GPHN: variants seen among roughly 807,000 people sequenced by gnomAD.
GPHN encodes gephyrin.
In GPHN, 17 loss-of-function variants were observed where a neutral mutation model predicts 95.5. The ratio of observed to expected loss-of-function variants is 0.18; its 90% confidence interval spans 0.12 to 0.27. The LOEUF (loss-of-function observed/expected upper bound fraction) is 0.27. GPHN is among the 10% of genes least tolerant of loss of function. GPHN has a pLI of 1.00. For missense variants in GPHN, 660 were observed against 978.1 expected, an observed-to-expected ratio of 0.67 and a Z score of 4.34; for synonymous variants, 320 against 322.5, an observed-to-expected ratio of 0.99 and a Z score of 0.08.
rs534465770 is a variant in GPHN at position 66,970,784 on chromosome 14, G to A, written c.963+5459G>A. Among the ~76,000 whole-genome samples the A allele has an allele frequency of 9.2e-5, 14 of 152,174 alleles. No individual in the cohort carries two copies. In the South Asian group the frequency reaches 1.9e-3, roughly 20 times the overall value. On this transcript the variant is annotated intron_variant, in intron 9 of 22. Transcript: ENST00000478722. The stretch of plus-strand genomic sequence containing the variant: ...TATAGAAATAGATTCTACACATACC[G>A]TCAACACACAACAAAAAGGTTGGAA...
At chr14:66,776,593 C>G (rs1207022609) in intron 3 of GPHN, 72 bp downstream of exon 3, 1 of 859,624 alleles carries the variant, frequency 1.2e-6, no homozygotes, top group East Asian at 2.4e-5. Flanking sequence ...GTTGCTTTTT[C>G]TTTATGCCAT....
At chr14:67,600,066 G>C in the GPHN span, 2 of 1,591,160 alleles carry the variant, frequency 1.3e-6, no homozygotes, top group Admixed American at 1.8e-5. Flanking sequence ...GCCACACCGT[G>C]CAGGTGACAG....
intron 1 of GPHN, among the ~76,000 whole-genome samples, chr14:66,604,794 G>C (rs1458480576): frequency 6.6e-6 from 1 of 152,052 alleles, no homozygotes; most frequent in African/African-American, 2.4e-5. Flanking sequence ...AGATGATCCT[G>C]TCACCCAGGT....
intron 5 of GPHN, among the ~76,000 whole-genome samples, chr14:66,905,404 G>A (rs1695555383): frequency 6.6e-6 from 1 of 152,032 alleles, no homozygotes; most frequent in South Asian, 2.1e-4. Context: ...CTCACATATT[G>A]CTGTTTCATT....
intron 4 of GPHN, among the ~76,000 whole-genome samples, chr14:66,868,664 A>T (rs773256800): frequency 3.9e-5 from 6 of 152,130 alleles, no homozygotes; most frequent in African/African-American, 7.2e-5. Context: ...AAGGTGCTGG[A>T]ATTACAGGCA....
intron 1 of GPHN, among the ~76,000 whole-genome samples, chr14:66,676,701 G>A (rs1434799677): frequency 7.6e-6 from 1 of 130,934 alleles, no homozygotes; most frequent in Non-Finnish European, 1.5e-5. Context: ...TGTGCCTTTG[G>A]ATTCAGATTC....
chr14:66,596,756 G>A (rs920949709), intron 1 of GPHN, among the ~76,000 whole-genome samples: 2 of 152,208 alleles, frequency 1.3e-5, no homozygotes, highest in African/African-American at 2.4e-5. Flanking sequence ...AGAGATGCCC[G>A]GGTTTGCAGC....
rs369002247 is a variant in GPHN, at chr14:67,146,205, G to A, written c.1836+2756G>A. On this transcript the variant is annotated intron_variant, in intron 18 of 22. Coordinates refer to ENST00000478722, the MANE Select transcript of GPHN (RefSeq NM_020806.5). ...TCCAACATACTGCATGCTAAACAGC[G>A]AGGAAGGGGCCCTGCTGCTTGTTGG... Among the ~76,000 whole-genome samples, 8 of 152,260 alleles carry A rather than the reference G, an allele frequency of 5.3e-5. No individual in the cohort carries two copies. The South Asian group carries it at 1.0e-3, about 20-fold the overall frequency.
At chr14:67,081,364 AT>A (rs558780435) in intron 11 of GPHN, among the ~76,000 whole-genome samples, 10 of 151,694 alleles carry the variant, frequency 6.6e-5, no homozygotes, top group Admixed American at 2.0e-4. Context: ...ATCATTGGCG[AT>A]TTTTTTTATA....
At chr14:67,552,886 T>A in the GPHN span, among the ~76,000 whole-genome samples, 2 of 152,180 alleles carry the variant, frequency 1.3e-5, no homozygotes, top group African/African-American at 4.8e-5. Context: ...CCCCAGGCTC[T>A]GAAAAGTGCC....
intron 5 of GPHN, among the ~76,000 whole-genome samples, chr14:66,901,204 T>A (rs1478615260): frequency 6.6e-6 from 1 of 152,074 alleles, no homozygotes; most frequent in Non-Finnish European, 1.5e-5. Context: ...GCTCATTTTT[T>A]AATTGAATTA....
intron 4 of GPHN, among the ~76,000 whole-genome samples, chr14:66,874,083 C>T (rs561769539): frequency 5.9e-5 from 9 of 152,334 alleles, no homozygotes; most frequent in Non-Finnish European, 1.3e-4. Flanking sequence ...TGCTGTTCTG[C>T]AGCCTTTGCT....
At chr14:67,149,792 A>G (rs1490634172) in intron 18 of GPHN, among the ~76,000 whole-genome samples, 4 of 152,196 alleles carry the variant, frequency 2.6e-5, no homozygotes, top group South Asian at 2.1e-4. Flanking sequence ...AAAGAACACA[A>G]CTTTCTACTG....
At chr14:67,437,689 A>C in the GPHN span, among the ~76,000 whole-genome samples, 1 of 151,910 alleles carries the variant, frequency 6.6e-6, no homozygotes, top group Non-Finnish European at 1.5e-5. Context: ...AATGAGATGT[A>C]TTTGGGAGGT....
chr14:67,517,408 A>G, the GPHN span, among the ~76,000 whole-genome samples: 3 of 152,216 alleles, frequency 2.0e-5, no homozygotes, highest in Non-Finnish European at 4.4e-5. Flanking sequence ...AGTGCTCACA[A>G]TATTTTTAGG....
chr14:66,622,503 G>A (rs945905387), intron 1 of GPHN, among the ~76,000 whole-genome samples: 12 of 152,160 alleles, frequency 7.9e-5, no homozygotes, highest in Admixed American at 3.9e-4. Flanking sequence ...CAGAAAATGG[G>A]ATTTTCTTTT....
At chr14:67,289,208 T>G in the GPHN span, among the ~76,000 whole-genome samples, 4 of 152,250 alleles carry the variant, frequency 2.6e-5, no homozygotes, top group South Asian at 8.3e-4. Context: ...CTTCGTGTGA[T>G]CCACCTGCCT....
the GPHN span, among the ~76,000 whole-genome samples, chr14:67,445,574 A>ATTTTTTTTTTTTTTTTTTTTTTTTT: frequency 1.1e-4 from 11 of 98,650 alleles, no homozygotes; most frequent in Admixed American, 2.2e-4. Flanking sequence ...AAGAGAGGCA[A>ATTTTTTTTTTTTTTTTTTTTTTTTT]TTCTTTTTTT....
chr14:67,381,081 G>A, the GPHN span, among the ~76,000 whole-genome samples: 5 of 152,114 alleles, frequency 3.3e-5, no homozygotes, highest in Admixed American at 2.0e-4. Flanking sequence ...GACATACCAT[G>A]CGGAATTTTC....
Sources: allele counts gnomAD v4.1 joint callset (sites outside exome capture counted in the v4.1 genomes callset), GRCh38; gene constraint gnomAD v4.1.1; transcripts MANE v1.5; gene names NCBI Gene and HGNC (gene_info 2026-07-23, HGNC 2026-07-21).